The following STAG1 variants were observed in gnomAD, a reference collection of about 807,000 sequenced individuals.
STAG1 encodes the protein STAG1 cohesin complex component, also known as cohesin subunit SA-1.
In STAG1, 26 loss-of-function variants were observed where a neutral mutation model predicts 170.9. The observed-to-expected ratio is 0.15, with a 90% CI of 0.11 to 0.21. STAG1 has a LOEUF of 0.21. STAG1 is among the 10% of genes least tolerant of loss of function. The probability of loss-of-function intolerance (pLI) is 1.00; values close to 1 mark genes in which losing one functional copy is unlikely to be tolerated. For missense variants in STAG1, 964 were observed against 1,509.5 expected (o/e 0.64, Z 5.99); for synonymous variants, 514 against 497.7 (o/e 1.03, Z -0.44).
chr3:136,384,462 A>G (rs2086808248), intron 22 of STAG1, among the ~76,000 whole-genome samples: 1 of 131,858 alleles, frequency 7.6e-6, no homozygotes, highest in Admixed American at 7.7e-5. Context: ...AAAGAAGAAG[A>G]AAAAAAAAAA....
At chr3:136,649,768 G>A (rs1468404705) in intron 1 of STAG1, among the ~76,000 whole-genome samples, 7 of 149,592 alleles carry the variant, frequency 4.7e-5, no homozygotes, top group Non-Finnish European at 7.4e-5. Flanking sequence ...AAAAAAAAAA[G>A]ATTTTTTTTG....
chr3:136,612,514 T>TA (rs1391146382), intron 3 of STAG1, among the ~76,000 whole-genome samples: 12 of 151,132 alleles, frequency 7.9e-5, no homozygotes, highest in South Asian at 4.2e-4. Context: ...AGATAAAGGA[T>TA]AAAAAAAACA....
intron 5 of STAG1, among the ~76,000 whole-genome samples, chr3:136,563,890 G>A (rs1249024060): frequency 2.0e-5 from 3 of 152,026 alleles, no homozygotes; most frequent in Non-Finnish European, 1.5e-5. Context: ...GGGCATGGTG[G>A]TGCGTGTCTG....
intron 10 of STAG1, among the ~76,000 whole-genome samples, chr3:136,476,218 T>C (rs983453107): frequency 1.3e-5 from 2 of 152,196 alleles, no homozygotes; most frequent in African/African-American, 2.4e-5. Flanking sequence ...CTAGTAGCCC[T>C]TGTCTTGATA....
At chr3:136,494,282 T>C (rs1306817636) in intron 9 of STAG1, among the ~76,000 whole-genome samples, 1 of 151,676 alleles carries the variant, frequency 6.6e-6, no homozygotes, top group Non-Finnish European at 1.5e-5. Context: ...AGAAAATAAA[T>C]TAATAAAAAA....
chr3:136,534,948 C>T (rs1038550389), intron 6 of STAG1, among the ~76,000 whole-genome samples: 2 of 152,182 alleles, frequency 1.3e-5, no homozygotes, highest in African/African-American at 2.4e-5. Context: ...CCCACACTTG[C>T]ATGTTTATCA....
chr3:136,349,612 C>G (rs1936359088), intron 28 of STAG1, among the ~76,000 whole-genome samples: 1 of 151,930 alleles, frequency 6.6e-6, no homozygotes. Context: ...ACGGTCTTTC[C>G]TATATTTCTT....
intron 7 of STAG1, among the ~76,000 whole-genome samples, chr3:136,519,084 G>A (rs956091672): frequency 2.0e-5 from 3 of 152,030 alleles, no homozygotes; most frequent in Admixed American, 2.0e-4. Flanking sequence ...CAAAAAGGCA[G>A]TAAAATACAG....
At chr3:136,385,606 G>A (rs1391557299) in intron 22 of STAG1, among the ~76,000 whole-genome samples, 7 of 152,302 alleles carry the variant, frequency 4.6e-5, no homozygotes, top group African/African-American at 1.4e-4. Flanking sequence ...GGTAGATCTA[G>A]TGAAACCGAG....
chr3:136,699,555 T>TA (rs1942987796), intron 1 of STAG1, among the ~76,000 whole-genome samples: 1 of 152,050 alleles, frequency 6.6e-6, no homozygotes. Context: ...TAATTTATTT[T>TA]TTTTTTTTTT....
intron 6 of STAG1, among the ~76,000 whole-genome samples, chr3:136,534,588 G>T (rs1051768573): frequency 8.6e-5 from 13 of 151,756 alleles, no homozygotes; most frequent in African/African-American, 2.9e-4. Context: ...AGTGAGCAAA[G>T]CACATGAATA....
chr3:136,742,243 C>G (rs1031306916), intron 1 of STAG1, among the ~76,000 whole-genome samples: 3 of 152,158 alleles, frequency 2.0e-5, no homozygotes, highest in African/African-American at 7.2e-5. Context: ...CTACACCCAA[C>G]AACTGCAAAA....
At position 136,369,017 on chromosome 3, in the gene STAG1, ATAAT is replaced by A. The variant is rs780387783; in HGVS notation, c.2545+87_2545+90del. 6.2e-5 allele frequency: 77 copies of A among 1,232,422 alleles called. No homozygotes were observed. In the East Asian group the frequency reaches 6.9e-4, roughly 11 times the overall value. 76.3% of individuals were successfully genotyped at this position (1,232,422 alleles called of 1,614,324 possible). A position where few individuals can be genotyped will look rare whatever the true frequency, so the allele number is the denominator to read the frequency against. On this transcript the variant is annotated intron_variant, in intron 24 of 33. Transcript: ENST00000383202. ...ACTTTTTTAAAAGAAAGAAATCTCGATAATTTTTAGAACTGAATTTGTTTCTTTT... is the reference window on the plus strand; with the variant it reads ...ACTTTTTTAAAAGAAAGAAATCTCGATTTTAGAACTGAATTTGTTTCTTTT...
chr3:136,406,444 G>A (rs2087486505), intron 21 of STAG1, among the ~76,000 whole-genome samples: 1 of 151,976 alleles, frequency 6.6e-6, no homozygotes. Context: ...AAGTCTTCTG[G>A]GATGATGAAA....
rs367902665 is a variant in STAG1 at position 136,357,860 on chromosome 3, G to A, written c.2937-12C>T. Reference sequence around the variant, plus strand: ...ACTCTATGCCATCCCTGAAGTAAAAGAAAATATCAACTTATTTTTCCAGAT... The same window carrying A: ...ACTCTATGCCATCCCTGAAGTAAAAAAAAATATCAACTTATTTTTCCAGAT... On this transcript the variant is annotated splice_polypyrimidine_tract_variant and intron_variant, in intron 27 of 33. Transcript: ENST00000383202. 3 of 1,582,898 alleles carry A rather than the reference G, an allele frequency of 1.9e-6. No homozygotes were observed. The highest frequency in any genetic ancestry group is 2.6e-6 in the Non-Finnish European group (3 of 1,168,944).
At chr3:136,629,937 T>C (rs1447304644) in intron 2 of STAG1, among the ~76,000 whole-genome samples, 1 of 152,148 alleles carries the variant, frequency 6.6e-6, no homozygotes, top group African/African-American at 2.4e-5. Flanking sequence ...GACTCATGCA[T>C]GTAATCCCGG....
intron 5 of STAG1, among the ~76,000 whole-genome samples, chr3:136,567,361 G>A (rs1397260252): frequency 6.6e-6 from 1 of 152,160 alleles, no homozygotes; most frequent in Admixed American, 6.5e-5. Context: ...TCATCTCCAT[G>A]CTCTACAATT....
intron 1 of STAG1, among the ~76,000 whole-genome samples, chr3:136,652,767 T>A (rs945128377): frequency 6.6e-6 from 1 of 152,160 alleles, no homozygotes; most frequent in Non-Finnish European, 1.5e-5. Flanking sequence ...ATAAACTCCA[T>A]TCAAAATGGC....
intron 1 of STAG1, among the ~76,000 whole-genome samples, chr3:136,738,745 T>C (rs1056643038): frequency 2.2e-4 from 33 of 152,338 alleles, no homozygotes; most frequent in African/African-American, 7.9e-4. Context: ...CTATAGTTAA[T>C]AGCAATGTAT....
Sources: gnomAD v4.1 joint callset for allele counts (sites outside exome capture counted in the v4.1 genomes callset) on GRCh38, gnomAD v4.1.1 for gene constraint, MANE v1.5 for transcripts, NCBI Gene and HGNC (gene_info 2026-07-23, HGNC 2026-07-21) for gene names.